PDCD6IP: variants seen among roughly 807,000 people sequenced by gnomAD.
PDCD6IP encodes the protein programmed cell death 6 interacting protein.
In PDCD6IP, 43 loss-of-function variants were observed where a neutral mutation model predicts 103.7. That is an observed-to-expected ratio of 0.41 (90% CI 0.32 to 0.53). The LOEUF is 0.53. PDCD6IP is among the 20% of genes least tolerant of loss of function. PDCD6IP has a pLI of 0.16. For missense variants in PDCD6IP, 871 were observed against 1,036.7 expected, an observed-to-expected ratio of 0.84 and a Z score of 2.20; for synonymous variants, 354 against 378.7, an observed-to-expected ratio of 0.93 and a Z score of 0.76.
chr3:33,826,611 A>G (rs759846523), intron 6 of PDCD6IP, 31 bp downstream of exon 6: 4 of 1,608,924 alleles, frequency 2.5e-6, no homozygotes, highest in Non-Finnish European at 3.4e-6. Flanking sequence ...ACACTTGCTT[A>G]CTTTGCATGT....
At chr3:33,865,160 C>A in intron 16 of PDCD6IP, 83 bp from the exon 17 acceptor site, 1 of 930,810 alleles carries the variant, frequency 1.1e-6, no homozygotes, top group Non-Finnish European at 1.6e-6. Context: ...TAGAGTTTCT[C>A]ATATGTCCTT....
intron 7 of PDCD6IP, among the ~76,000 whole-genome samples, chr3:33,834,367 A>C (rs1013047201): frequency 6.6e-6 from 1 of 152,172 alleles, no homozygotes; most frequent in Non-Finnish European, 1.5e-5. Flanking sequence ...TAGCGTACCT[A>C]CGGTTCTGGT....
chr3:33,833,379 A>T (rs960155023), intron 7 of PDCD6IP, among the ~76,000 whole-genome samples: 4 of 152,066 alleles, frequency 2.6e-5, no homozygotes, highest in Admixed American at 2.6e-4. Flanking sequence ...TTAATTTGTA[A>T]CAGCCTCCTC....
At chr3:33,809,418 C>T (rs552651772) in intron 1 of PDCD6IP, among the ~76,000 whole-genome samples, 1 of 152,214 alleles carries the variant, frequency 6.6e-6, no homozygotes, top group South Asian at 2.1e-4. Flanking sequence ...TTTAGTGACT[C>T]GAATGTATAG....
chr3:33,852,286 A>G (rs748136982), intron 12 of PDCD6IP, among the ~76,000 whole-genome samples: 13 of 152,322 alleles, frequency 8.5e-5, no homozygotes, highest in Admixed American at 8.5e-4. Context: ...GGCTATTGTT[A>G]TTAATGCTGC....
intron 9 of PDCD6IP, among the ~76,000 whole-genome samples, chr3:33,839,041 A>C (rs1697412784): frequency 6.6e-6 from 1 of 152,116 alleles, no homozygotes. Context: ...TCCTGGGCTC[A>C]AGCGATCCTC....
Position 33,827,282 on chromosome 3 carries a change from A to C in PDCD6IP, c.717+702A>C, listed in dbSNP as rs144857398. ...AAGATTGAGTGAAATATATGTTTCA[A>C]CTACTTCCTTCAGAAATGTTCAAGG... On this transcript the variant is annotated intron_variant, in intron 6 of 17. Transcript: ENST00000307296. 4.2e-4 allele frequency: 345 copies of C among 828,168 alleles called. No homozygotes were observed. In the African/African-American group the frequency reaches 5.4e-3, roughly 13 times the overall value. 51.3% of individuals were successfully genotyped at this position (828,168 alleles called of 1,614,324 possible).
In PDCD6IP at chr3:33,854,027, G is replaced by A; in HGVS notation, c.2025+14G>A. On this transcript the variant is annotated intron_variant, in intron 14 of 17. Transcript: ENST00000307296. ...GAAGGCACAAAGGTATGAAGTACAT[G>A]CAAAAGGAACCATAGCTAGCAAGTA... The A allele has an allele frequency of 6.4e-7, 1 of 1,561,274 alleles. No homozygotes were observed. Among genetic ancestry groups the A allele is most frequent in the Non-Finnish European group, 8.6e-7 (1 of 1,162,212 alleles).
chr3:33,800,699 G>T (rs1189907830), intron 1 of PDCD6IP, among the ~76,000 whole-genome samples: 1 of 152,090 alleles, frequency 6.6e-6, no homozygotes, highest in Non-Finnish European at 1.5e-5. Context: ...TTTTATGTAG[G>T]CATGAATAGC....
chr3:33,868,129 TAA>T lies in PDCD6IP; in HGVS notation c.*1605_*1606del, dbSNP rs1477537739. 2 of 152,208 alleles carry T rather than the reference TAA, an allele frequency of 1.3e-5. No homozygotes were observed. Among genetic ancestry groups the T allele is most frequent in the East Asian group, 3.8e-4 (2 of 5,198 alleles). The allele number at this position is 152,208 out of a possible 1,614,324, so 9.4% of individuals were successfully genotyped here. ...AATAGCTTTTTACTTCATCAGTTGC[TAA>T]GATTTAATACTTTGGATTCATCAAA... On this transcript the variant is annotated 3_prime_UTR_variant, in exon 18 of 18. Coordinates refer to ENST00000307296, the MANE Select transcript of PDCD6IP (RefSeq NM_013374.6).
chr3:33,849,104 A>G (rs1379576135), intron 12 of PDCD6IP, among the ~76,000 whole-genome samples: 2 of 152,230 alleles, frequency 1.3e-5, no homozygotes, highest in East Asian at 3.9e-4. Context: ...GTCCTTTACC[A>G]AAAAAGTTTT....
intron 15 of PDCD6IP, among the ~76,000 whole-genome samples, chr3:33,860,892 C>G (rs1397000301): frequency 6.6e-6 from 1 of 151,582 alleles, no homozygotes; most frequent in African/African-American, 2.4e-5. Context: ...AATATGGAAA[C>G]AAGTCAAATG....
intron 15 of PDCD6IP, among the ~76,000 whole-genome samples, chr3:33,856,860 T>C (rs1697840946): frequency 6.6e-6 from 1 of 152,120 alleles, no homozygotes; most frequent in South Asian, 2.1e-4. Flanking sequence ...ATATAGTAAA[T>C]ACATGCTAAA....
At chr3:33,814,133 C>G (rs1490990998) in intron 3 of PDCD6IP, among the ~76,000 whole-genome samples, 1 of 149,908 alleles carries the variant, frequency 6.7e-6, no homozygotes, top group Admixed American at 6.8e-5. Flanking sequence ...TACTATTTCT[C>G]TCATTGGATT....
rs1049835470 is a variant in PDCD6IP, at chr3:33,868,265, A to C, written c.*1740A>C. 3 of 152,242 alleles carry C rather than the reference A, an allele frequency of 2.0e-5. No homozygotes were observed. Among genetic ancestry groups the C allele is most frequent in the Non-Finnish European group, 4.4e-5 (3 of 68,032 alleles). The allele number at this position is 152,242 out of a possible 1,614,324, so 9.4% of individuals were successfully genotyped here. ...GACAGTGAGAGTTAGAGGTATTACA[A>C]GTTGCTAGTTTATAATGTCTTACTA... is the stretch of plus-strand genomic sequence containing the variant. On this transcript the variant is annotated 3_prime_UTR_variant, in exon 18 of 18. Coordinates refer to ENST00000307296, the MANE Select transcript of PDCD6IP (RefSeq NM_013374.6).
At chr3:33,813,240 C>T (rs1355587249) in intron 2 of PDCD6IP, 4 of 183,466 alleles carry the variant, frequency 2.2e-5, no homozygotes, top group Non-Finnish European at 4.5e-5. Context: ...TTTTATTTCC[C>T]TTGCTTCACT....
chr3:33,842,696 A>G (rs1333238793), intron 10 of PDCD6IP, among the ~76,000 whole-genome samples: 1 of 152,192 alleles, frequency 6.6e-6, no homozygotes, highest in Non-Finnish European at 1.5e-5. Context: ...AAGTTCCTGT[A>G]TATTTTTCAC....
intron 2 of PDCD6IP, 82 bp downstream of exon 2, chr3:33,812,208 T>C: frequency 6.6e-7 from 1 of 1,510,748 alleles, no homozygotes; most frequent in Non-Finnish European, 8.9e-7. Context: ...CTTTAGAGTT[T>C]TATGAGATAG....
At position 33,841,939 on chromosome 3, in the gene PDCD6IP, G is replaced by T; in HGVS notation, c.1224G>T (p.Val408=). Reference sequence around the variant, plus strand: ...ATCTTCCAGCAGCAATTGAAGATGTGTCTGGAGACACTGTACCTCAGTCTA... The same window carrying T: ...ATCTTCCAGCAGCAATTGAAGATGTTTCTGGAGACACTGTACCTCAGTCTA... The part of the protein sequence containing the change: ...SLNLPAAIED[V]SGDTVPQSIL... The change falls in exon 10 of 18, where the codon GTG becomes GTT. Residue 408 remains valine, a synonymous_variant. Transcript: ENST00000307296. The T allele has an allele frequency of 1.9e-6, 3 of 1,581,728 alleles. No individual in the cohort carries two copies. Among genetic ancestry groups the T allele is most frequent in the Non-Finnish European group, 8.7e-7 (1 of 1,153,850 alleles).
Sources: gnomAD v4.1 joint callset for allele counts (sites outside exome capture counted in the v4.1 genomes callset) on GRCh38, gnomAD v4.1.1 for gene constraint, MANE v1.5 for transcripts, NCBI Gene and HGNC (gene_info 2026-07-23, HGNC 2026-07-21) for gene names.